SVIL: variants seen among roughly 807,000 people sequenced by gnomAD.
SVIL encodes the protein archvillin.
SVIL carries 101 observed loss-of-function variants against 240.4 expected under a neutral mutation model. The ratio of observed to expected loss-of-function variants is 0.42; its 90% CI spans 0.36 to 0.50. The LOEUF is 0.50. Ranked by LOEUF, SVIL falls within the 20% of genes least tolerant of loss-of-function variation. The probability of loss-of-function intolerance (pLI) is 0.01; values close to 1 mark genes in which losing one functional copy is unlikely to be tolerated. For synonymous variants in SVIL, 999 were observed against 1,100.0 expected, an observed-to-expected ratio of 0.91 and a Z score of 1.82; for missense variants, 2,512 against 2,818.7, an observed-to-expected ratio of 0.89 and a Z score of 2.46.
At chr10:29,608,641 G>C (rs1360597519) in intron 1 of SVIL, among the ~76,000 whole-genome samples, 1 of 152,276 alleles carries the variant, frequency 6.6e-6, no homozygotes, top group Non-Finnish European at 1.5e-5. Context: ...GGCAGACCCA[G>C]CACCCTGCTG....
At chr10:29,489,963 G>A (rs2132394567) in intron 22 of SVIL, among the ~76,000 whole-genome samples, 1 of 152,302 alleles carries the variant, frequency 6.6e-6, no homozygotes, top group Non-Finnish European at 1.5e-5. Flanking sequence ...ATGGGAAAAT[G>A]AAAATTATAG....
chr10:29,679,225 C>CA (rs1208571862), intron 2 of SVIL, among the ~76,000 whole-genome samples: 5 of 151,846 alleles, frequency 3.3e-5, no homozygotes, highest in Non-Finnish European at 5.9e-5. Flanking sequence ...ACAAACAAAA[C>CA]AAAAAAACAC....
At chr10:29,702,405 C>T (rs1025745256) in intron 1 of SVIL, among the ~76,000 whole-genome samples, 1 of 152,070 alleles carries the variant, frequency 6.6e-6, no homozygotes, top group African/African-American at 2.4e-5. Flanking sequence ...CCACACTGAC[C>T]TCCCCGCTGG....
chr10:29,461,818 C>T (rs991317030), intron 36 of SVIL, among the ~76,000 whole-genome samples: 2 of 152,106 alleles, frequency 1.3e-5, no homozygotes. Flanking sequence ...ATAAGGGAGT[C>T]GCAGCACCTC....
chr10:29,490,001 G>T (rs957856408), intron 22 of SVIL, among the ~76,000 whole-genome samples: 1 of 152,136 alleles, frequency 6.6e-6, no homozygotes, highest in African/African-American at 2.4e-5. Flanking sequence ...TCAAGATTAT[G>T]CATGCTATCA....
intron 2 of SVIL, among the ~76,000 whole-genome samples, chr10:29,666,463 G>A (rs1417503680): frequency 6.6e-6 from 1 of 152,046 alleles, no homozygotes; most frequent in African/African-American, 2.4e-5. Context: ...ATACCTTTTT[G>A]CCTGGAAAGA....
chr10:29,475,897 A>C (rs1946141434), intron 29 of SVIL, among the ~76,000 whole-genome samples: 1 of 152,258 alleles, frequency 6.6e-6, no homozygotes, highest in African/African-American at 2.4e-5. Context: ...AATAAAACTC[A>C]TTTAAGTTCT....
At chr10:29,653,266 C>A (rs1278092796) in intron 3 of SVIL, among the ~76,000 whole-genome samples, 1 of 152,128 alleles carries the variant, frequency 6.6e-6, no homozygotes, top group Non-Finnish European at 1.5e-5. Flanking sequence ...ATGGTGAGTT[C>A]TCATGAGATC....
At chr10:29,689,879 G>C (rs80159937) in intron 1 of SVIL, among the ~76,000 whole-genome samples, 2,314 of 152,242 alleles carry the variant, frequency 0.015, 45 homozygotes, top group East Asian at 0.095. Context: ...CCCAAATACA[G>C]AATTTCATGA....
chr10:29,548,530 T>C (rs539575135), intron 6 of SVIL, among the ~76,000 whole-genome samples: 2 of 152,338 alleles, frequency 1.3e-5, no homozygotes, highest in African/African-American at 4.8e-5. Flanking sequence ...TCATACCTTT[T>C]TCAATTTCTC....
intron 3 of SVIL, among the ~76,000 whole-genome samples, chr10:29,641,466 G>A (rs372832821): frequency 9.9e-5 from 15 of 152,082 alleles, no homozygotes; most frequent in African/African-American, 3.1e-4. Context: ...TACTGCAGAG[G>A]CCGAGGCAAG....
At chr10:29,680,322 A>G (rs1348704233) in intron 2 of SVIL, among the ~76,000 whole-genome samples, 1 of 152,182 alleles carries the variant, frequency 6.6e-6, no homozygotes, top group African/African-American at 2.4e-5. Flanking sequence ...TTCTTGGAGG[A>G]GGCACCTGAA....
At chr10:29,463,081 C>CTGTT (rs1564447787) in intron 35 of SVIL, among the ~76,000 whole-genome samples, 1 of 152,182 alleles carries the variant, frequency 6.6e-6, no homozygotes, top group Non-Finnish European at 1.5e-5. Flanking sequence ...TGGCCGTTCA[C>CTGTT]TGTTTGGGGG....
intron 29 of SVIL, among the ~76,000 whole-genome samples, chr10:29,477,692 CT>C (rs1285821299): frequency 6.6e-6 from 1 of 152,232 alleles, no homozygotes; most frequent in African/African-American, 2.4e-5. Context: ...TGCTTCCCCC[CT>C]GCTGGAGGGA....
At chr10:29,630,807 A>AT (rs1388707330) in intron 1 of SVIL, among the ~76,000 whole-genome samples, 1 of 152,154 alleles carries the variant, frequency 6.6e-6, no homozygotes, top group Non-Finnish European at 1.5e-5. Context: ...GTAATATAGG[A>AT]TGAGGGCAAA....
At chr10:29,539,378 G>A (rs1279875178) in intron 6 of SVIL, among the ~76,000 whole-genome samples, 1 of 152,106 alleles carries the variant, frequency 6.6e-6, no homozygotes, top group Non-Finnish European at 1.5e-5. Context: ...TTTTCAGCAG[G>A]GTGAGTCCAG....
At chr10:29,643,544 G>A (rs530418769) in intron 3 of SVIL, among the ~76,000 whole-genome samples, 1 of 152,186 alleles carries the variant, frequency 6.6e-6, no homozygotes, top group South Asian at 2.1e-4. Flanking sequence ...TCTGTACCAT[G>A]GGCAAGTCAT....
rs561083424 is a variant in SVIL at position 29,476,312 on chromosome 10, A to G, written c.5378-2323T>C. The stretch of plus-strand genomic sequence containing the variant: ...TTGAAATCTGTTAGCACTCAAATAC[A>G]TTGTGTAAATACATATTCACACTTA... On this transcript the variant is annotated intron_variant, in intron 29 of 37. Transcript: ENST00000355867. Among the ~76,000 whole-genome samples, 7 of 152,394 alleles carry G rather than the reference A, an allele frequency of 4.6e-5. No homozygotes were observed. In the East Asian group the frequency reaches 1.3e-3, roughly 29 times the overall value.
chr10:29,714,158 C>T (rs534996216), intron 1 of SVIL, among the ~76,000 whole-genome samples: 3 of 152,340 alleles, frequency 2.0e-5, no homozygotes, highest in East Asian at 1.9e-4. Flanking sequence ...GGACTGGAAC[C>T]CAGGCAGCTT....
Sources: allele counts gnomAD v4.1 joint callset (sites outside exome capture counted in the v4.1 genomes callset), GRCh38; gene constraint gnomAD v4.1.1; transcripts MANE v1.5; gene names NCBI Gene and HGNC (gene_info 2026-07-23, HGNC 2026-07-21).